CCDC150: variants seen among roughly 807,000 people sequenced by gnomAD.
CCDC150 encodes the protein coiled-coil domain containing 150.
A neutral mutation model predicts 156.5 loss-of-function variants in CCDC150; 151 were observed. That is an observed-to-expected ratio of 0.97 (90% CI 0.85 to 1.10). The LOEUF (loss-of-function observed/expected upper bound fraction) is 1.10, where lower values mean the gene tolerates loss of function less well. Ranked by LOEUF, CCDC150 falls within the 50% of genes least tolerant of loss-of-function variation. CCDC150 has a pLI of 0.00. For synonymous variants in CCDC150, 452 were observed against 429.4 expected (o/e 1.05, Z -0.65); for missense variants, 1,312 against 1,268.1 (o/e 1.03, Z -0.53).
chr2:196,676,439 C>T, intron 11 of CCDC150, 115 bp from the exon 12 acceptor site: 1 of 1,306,014 alleles, frequency 7.7e-7, no homozygotes, highest in South Asian at 1.5e-5. Context: ...TTTGTTAGAA[C>T]ATTTTGGTAA....
intron 15 of CCDC150, among the ~76,000 whole-genome samples, chr2:196,707,573 G>A (rs1454072338): frequency 6.6e-6 from 1 of 151,962 alleles, no homozygotes; most frequent in Non-Finnish European, 1.5e-5. Flanking sequence ...GTTTGCTCTT[G>A]CTTCTCTAGT....
chr2:196,700,268 TTG>T (rs1442225846), intron 14 of CCDC150, among the ~76,000 whole-genome samples: 4 of 152,364 alleles, frequency 2.6e-5, no homozygotes, highest in African/African-American at 9.6e-5. Context: ...GATTAAGAGT[TTG>T]TGTCTTCAGT....
chr2:196,666,821 G>A lies in CCDC150; in HGVS notation c.865G>A (p.Ala289Thr), dbSNP rs865917262. Residue 289 changes from alanine to threonine, a missense_variant, in exon 7 of 28, where the codon GCT (alanine) becomes ACT (threonine). Physicochemically the swap from Ala to Thr is moderately conservative, Grantham distance 58. Transcript: ENST00000389175. ...EQKKKEELEI[A>T]TSQLKSDLTS... is the part of the protein sequence containing the mutation. ...AAAAAAAAAAGAAGAGTTGGAGATT[G>A]CTACTTCACAGCTCAAATCTGATCT... is the stretch of plus-strand genomic sequence containing the variant. 2.5e-6 allele frequency: 4 copies of A among 1,613,278 alleles called. No homozygotes were observed. In the Middle Eastern group the frequency reaches 5.0e-4, roughly 200 times the overall value.
At chr2:196,642,266 A>G (rs1267360851) in intron 1 of CCDC150, among the ~76,000 whole-genome samples, 2 of 152,212 alleles carry the variant, frequency 1.3e-5, no homozygotes, top group African/African-American at 4.8e-5. Flanking sequence ...CATTAGAGGT[A>G]GATTGTTTTC....
chr2:196,655,036 A>T (rs1432006205), intron 2 of CCDC150, among the ~76,000 whole-genome samples: 1 of 152,226 alleles, frequency 6.6e-6, no homozygotes, highest in East Asian at 1.9e-4. Context: ...GATGCAGCTG[A>T]AAATATTAGG....
intron 23 of CCDC150, 99 bp downstream of exon 23, chr2:196,729,486 C>T: frequency 9.2e-7 from 1 of 1,084,840 alleles, no homozygotes; most frequent in Non-Finnish European, 1.4e-6. Context: ...CTAGCAGCCC[C>T]ATGTATTCTC....
Position 196,644,940 on chromosome 2 carries a change from C to T in CCDC150, c.13-1401C>T, listed in dbSNP as rs1159348976. On this transcript the variant is annotated intron_variant, in intron 1 of 27. Coordinates refer to ENST00000389175, the MANE Select transcript of CCDC150 (RefSeq NM_001080539.2). ...GACCAGCCTGGCCAACATGGTGAAA[C>T]CCCGTCTCTACTAAAAATACAAAAA... Among the ~76,000 whole-genome samples, 4 of 146,080 alleles carry T rather than the reference C, an allele frequency of 2.7e-5. No homozygotes were observed. The East Asian group carries it at 8.2e-4, about 30-fold the overall frequency.
intron 9 of CCDC150, among the ~76,000 whole-genome samples, chr2:196,673,443 G>T (rs1367470279): frequency 6.6e-6 from 1 of 152,126 alleles, no homozygotes; most frequent in Non-Finnish European, 1.5e-5. Flanking sequence ...ATCTGCATCT[G>T]GTGTGACTTT....
intron 7 of CCDC150, among the ~76,000 whole-genome samples, chr2:196,668,828 C>T (rs1185466557): frequency 6.6e-6 from 1 of 152,088 alleles, no homozygotes; most frequent in Non-Finnish European, 1.5e-5. Context: ...TCATATAGTT[C>T]ATCTTTTTTA....
At chr2:196,666,230 A>G (rs999860495) in intron 6 of CCDC150, among the ~76,000 whole-genome samples, 1 of 152,236 alleles carries the variant, frequency 6.6e-6, no homozygotes, top group Non-Finnish European at 1.5e-5. Flanking sequence ...ATAATTTAGA[A>G]TACTTTAAAT....
In CCDC150 at chr2:196,646,878, T is replaced by C. The variant is rs1002856829; in HGVS notation, c.176+374T>C. ...ATGTTGCTTCATGCCATTAATTTGG[T>C]CATTTTCTTCTCCCATATTTATTAT... On this transcript the variant is annotated intron_variant, in intron 2 of 27. Coordinates refer to ENST00000389175, the MANE Select transcript of CCDC150 (RefSeq NM_001080539.2). Among the ~76,000 whole-genome samples the C allele has an allele frequency of 2.0e-5, 3 of 152,252 alleles. No homozygotes were observed. The East Asian group carries it at 5.8e-4, about 29-fold the overall frequency.
intron 13 of CCDC150, among the ~76,000 whole-genome samples, chr2:196,692,931 C>T (rs1048869189): frequency 6.6e-6 from 1 of 152,160 alleles, no homozygotes; most frequent in Non-Finnish European, 1.5e-5. Flanking sequence ...AAATCTCCCA[C>T]TGTTATTGTG....
At position 196,696,294 on chromosome 2, in the gene CCDC150, GA is replaced by G. The variant is rs796525369; in HGVS notation, c.1623+1146del. The stretch of plus-strand genomic sequence containing the variant: ...TTCTTAGTATCTGAACTGTCTCAGA[GA>G]AAAAAAAAAAGCCTGTAAGTGCCTA... On this transcript the variant is annotated intron_variant, in intron 14 of 27. Transcript: ENST00000389175. 1.6e-3 allele frequency among the ~76,000 whole-genome samples: 225 copies of G among 142,074 alleles called. 1 individual carries two copies. Among genetic ancestry groups the G allele is most frequent in the East Asian group, 2.8e-3 (14 of 4,966 alleles). 93.2% of individuals were successfully genotyped at this position (142,074 alleles called of 152,430 possible). A position where few individuals can be genotyped will look rare whatever the true frequency, so the allele number is the denominator to read the frequency against.
At chr2:196,695,309 A>G in intron 14 of CCDC150, 150 bp downstream of exon 14, 1 of 461,340 alleles carries the variant, frequency 2.2e-6, no homozygotes, top group Non-Finnish European at 3.9e-6. Context: ...AACAATAGTG[A>G]TTTGAGAAAC....
At chr2:196,721,441 G>T in intron 20 of CCDC150, 81 bp from the exon 21 acceptor site, 1 of 1,046,824 alleles carries the variant, frequency 9.6e-7, no homozygotes, top group South Asian at 2.5e-5. Flanking sequence ...ATGATAGAAT[G>T]TGAGGAGTGA....
chr2:196,723,251 C>T (rs564797470), intron 21 of CCDC150, among the ~76,000 whole-genome samples: 50 of 152,214 alleles, frequency 3.3e-4, no homozygotes, highest in African/African-American at 1.2e-3. Context: ...ACCTGTAATC[C>T]CAGTACTTTG....
At chr2:196,647,305 A>G (rs188763595) in intron 2 of CCDC150, among the ~76,000 whole-genome samples, 1 of 152,260 alleles carries the variant, frequency 6.6e-6, no homozygotes, top group Non-Finnish European at 1.5e-5. Context: ...GTTCACTATA[A>G]TAGAATTAAC....
At chr2:196,654,051 G>A (rs1693040505) in intron 2 of CCDC150, among the ~76,000 whole-genome samples, 2 of 152,114 alleles carry the variant, frequency 1.3e-5, no homozygotes. Context: ...CAGCTCTTGT[G>A]TGAACAAAAA....
In CCDC150 at chr2:196,676,252, A is replaced by G; in HGVS notation, c.1247A>G (p.Gln416Arg). The G allele has an allele frequency of 6.2e-7, 1 of 1,613,566 alleles. No homozygotes were observed. Among genetic ancestry groups the G allele is most frequent in the Non-Finnish European group, 8.5e-7 (1 of 1,179,658 alleles). ...CAGACTGTTCAGAATGAGAAAACCC[A>G]ACTCCAGGCACATCTGTAAGTAAAT... ...ELQTVQNEKT[Q>R]LQAHLDHLIL... The change falls in exon 11 of 28, where the codon CAA becomes CGA. Residue 416 changes from glutamine to arginine, a missense_variant. Physicochemically the swap from Gln to Arg is conservative, Grantham distance 43. Transcript: ENST00000389175.
Sources: gnomAD v4.1 joint callset for allele counts (sites outside exome capture counted in the v4.1 genomes callset) on GRCh38, gnomAD v4.1.1 for gene constraint, MANE v1.5 for transcripts, NCBI Gene and HGNC (gene_info 2026-07-23, HGNC 2026-07-21) for gene names.